The following CPS1 variants were observed in gnomAD, a reference collection of about 807,000 sequenced individuals.
CPS1 encodes carbamoyl-phosphate synthase [ammonia], mitochondrial.
CPS1 carries 109 observed loss-of-function variants against 174.6 expected under a neutral mutation model. The observed-to-expected ratio is 0.62, with a 90% confidence interval of 0.53 to 0.73. The LOEUF is 0.73. CPS1 is among the 30% of genes least tolerant of loss of function. CPS1 has a pLI of 0.00. For missense variants in CPS1, 1,689 were observed against 1,821.9 expected, an observed-to-expected ratio of 0.93 and a Z score of 1.33; for synonymous variants, 637 against 632.0, an observed-to-expected ratio of 1.01 and a Z score of -0.12.
chr2:210,489,511 T>C (rs971573069), intron 1 of CPS1, among the ~76,000 whole-genome samples: 2 of 152,180 alleles, frequency 1.3e-5, no homozygotes, highest in African/African-American at 2.4e-5. Flanking sequence ...TCTAGTTTTA[T>C]ATGTAAGTAG....
intron 21 of CPS1, among the ~76,000 whole-genome samples, chr2:210,624,740 G>C (rs934197675): frequency 6.6e-6 from 1 of 151,922 alleles, no homozygotes; most frequent in African/African-American, 2.4e-5. Context: ...GCAAATGATT[G>C]TGCATTTTTG....
chr2:210,666,710 C>T lies in CPS1; in HGVS notation c.4003-1476C>T, dbSNP rs188361574. On this transcript the variant is annotated intron_variant, in intron 33 of 37. Transcript: ENST00000233072. ...TATCTCTGTTTTGGTACCAGTACCA[C>T]GCTGTTTTGGTTACTGTAGTCTTAT... is the stretch of plus-strand genomic sequence containing the variant. Among the ~76,000 whole-genome samples, 39 of 152,164 alleles carry T rather than the reference C, an allele frequency of 2.6e-4. 1 individual carries two copies. The highest frequency in any genetic ancestry group is 2.3e-3 in the South Asian group (11 of 4,816).
chr2:210,617,220 G>A (rs1436002736), intron 21 of CPS1, among the ~76,000 whole-genome samples: 1 of 151,976 alleles, frequency 6.6e-6, no homozygotes, highest in Non-Finnish European at 1.5e-5. Context: ...TTAGGCTGAT[G>A]AAAGCATGGA....
intron 19 of CPS1, among the ~76,000 whole-genome samples, chr2:210,609,849 T>A (rs192012701): frequency 1.3e-5 from 2 of 152,076 alleles, no homozygotes; most frequent in East Asian, 3.9e-4. Flanking sequence ...AGATTAAATC[T>A]GTCACCAATA....
intron 21 of CPS1, among the ~76,000 whole-genome samples, chr2:210,636,969 G>A (rs1353372565): frequency 6.6e-6 from 1 of 152,200 alleles, no homozygotes; most frequent in African/African-American, 2.4e-5. Flanking sequence ...GGTGATATTA[G>A]TAAGTAGAGG....
At chr2:210,573,476 G>C in intron 2 of CPS1, 69 bp downstream of exon 2, 3 of 1,206,732 alleles carry the variant, frequency 2.5e-6, no homozygotes, top group Non-Finnish European at 3.7e-6. Flanking sequence ...CTCACTCATG[G>C]TGGTAAGTTG....
At chr2:210,618,048 T>C (rs1413055260) in intron 21 of CPS1, 2 of 152,014 alleles carry the variant, frequency 1.3e-5, no homozygotes, top group Non-Finnish European at 2.9e-5. Context: ...TTGGACAAAT[T>C]CAATGTTTTA....
intron 1 of CPS1, among the ~76,000 whole-genome samples, chr2:210,486,803 C>T (rs1472666830): frequency 6.6e-6 from 1 of 152,186 alleles, no homozygotes; most frequent in African/African-American, 2.4e-5. Context: ...AGCCACTGCG[C>T]CCAGCTAGCT....
At chr2:210,482,847 G>C (rs753517326) in intron 1 of CPS1, among the ~76,000 whole-genome samples, 1 of 152,112 alleles carries the variant, frequency 6.6e-6, no homozygotes, top group Non-Finnish European at 1.5e-5. Context: ...TTTCACTGCA[G>C]CCTAACCCAA....
intron 9 of CPS1, among the ~76,000 whole-genome samples, chr2:210,591,598 A>G (rs1168605069): frequency 6.6e-6 from 1 of 152,040 alleles, no homozygotes; most frequent in Non-Finnish European, 1.5e-5. Flanking sequence ...AACCGATTAT[A>G]GAATTTAATA....
intron 1 of CPS1, among the ~76,000 whole-genome samples, chr2:210,479,749 T>A (rs1694511307): frequency 6.6e-6 from 1 of 152,220 alleles, no homozygotes; most frequent in African/African-American, 2.4e-5. Flanking sequence ...CTAACACAAA[T>A]TTGACAGTTA....
intron 32 of CPS1, among the ~76,000 whole-genome samples, chr2:210,661,901 T>C (rs1240068950): frequency 6.9e-6 from 1 of 145,262 alleles, no homozygotes; most frequent in Non-Finnish European, 1.5e-5. Flanking sequence ...TGGATAGATA[T>C]GCTTTTTTTT....
intron 1 of CPS1, among the ~76,000 whole-genome samples, chr2:210,534,925 G>T (rs1465622087): frequency 1.3e-5 from 2 of 152,114 alleles, no homozygotes; most frequent in African/African-American, 4.8e-5. Flanking sequence ...GCAGACTTTT[G>T]CTGAGACATA....
chr2:210,605,329 C>T, intron 17 of CPS1, 83 bp downstream of exon 17: 1 of 1,463,720 alleles, frequency 6.8e-7, no homozygotes, highest in East Asian at 2.3e-5. Context: ...AAAGTTGTTG[C>T]CTTTAAATTA....
chr2:210,495,029 A>AC (rs1385508972), intron 1 of CPS1, among the ~76,000 whole-genome samples: 7 of 152,192 alleles, frequency 4.6e-5, no homozygotes, highest in Non-Finnish European at 1.0e-4. Context: ...TACACTAAAA[A>AC]CACTCCAGGT....
At chr2:210,589,346 A>G (rs1007052751) in intron 7 of CPS1, among the ~76,000 whole-genome samples, 8 of 152,028 alleles carry the variant, frequency 5.3e-5, no homozygotes, top group African/African-American at 1.9e-4. Flanking sequence ...ACACCTTCCT[A>G]TGTGCTTTTA....
At chr2:210,539,927 T>C (rs1391780639) in intron 1 of CPS1, among the ~76,000 whole-genome samples, 1 of 152,166 alleles carries the variant, frequency 6.6e-6, no homozygotes, top group East Asian at 1.9e-4. Flanking sequence ...CAGGAATAGG[T>C]ATCTGCTGGC....
chr2:210,536,326 T>G (rs1696250227), intron 1 of CPS1, among the ~76,000 whole-genome samples: 1 of 149,472 alleles, frequency 6.7e-6, no homozygotes, highest in Non-Finnish European at 1.5e-5. Flanking sequence ...GGTACTTTTT[T>G]TTTTTTTTTT....
chr2:210,524,230 A>AT (rs910223244), intron 1 of CPS1, among the ~76,000 whole-genome samples: 27 of 151,662 alleles, frequency 1.8e-4, no homozygotes, highest in African/African-American at 6.3e-4. Flanking sequence ...CCAGGCTTTG[A>AT]TTTTTTTCTA....
Sources: gnomAD v4.1 joint callset for allele counts (sites outside exome capture counted in the v4.1 genomes callset) on GRCh38, gnomAD v4.1.1 for gene constraint, MANE v1.5 for transcripts, NCBI Gene and HGNC (gene_info 2026-07-23, HGNC 2026-07-21) for gene names.